Variants in AGBL4 observed in about 807,000 individuals in gnomAD.
The protein encoded by AGBL4 is cytosolic carboxypeptidase 6.
A neutral mutation model predicts 66.4 loss-of-function variants in AGBL4; 58 were observed. The ratio of observed to expected loss-of-function variants is 0.87; its 90% CI spans 0.71 to 1.09. The LOEUF (loss-of-function observed/expected upper bound fraction) is 1.09, where lower values mean the gene tolerates loss of function less well. Ranked by LOEUF, AGBL4 falls within the 50% of genes least tolerant of loss-of-function variation. The probability of loss-of-function intolerance (pLI) is 0.00; values close to 1 mark genes in which losing one functional copy is unlikely to be tolerated. For missense variants in AGBL4, 579 were observed against 631.0 expected (o/e 0.92, Z 0.88); for synonymous variants, 234 against 222.9 (o/e 1.05, Z -0.44).
chr1:48,758,469 T>A (rs1472012923), intron 6 of AGBL4, among the ~76,000 whole-genome samples: 2 of 152,196 alleles, frequency 1.3e-5, no homozygotes, highest in African/African-American at 2.4e-5. Context: ...TGAATTCTCA[T>A]ATCATTTTGT....
intron 1 of AGBL4, chr1:49,995,007 C>A: frequency 2.5e-6 from 1 of 400,024 alleles, no homozygotes; most frequent in Non-Finnish European, 5.0e-6. Flanking sequence ...CCCAGGGAAG[C>A]CATTGTTGAC....
rs528380322 is a variant in AGBL4, at chr1:49,791,760, C to T, written c.157+59636G>A. 2.7e-4 allele frequency among the ~76,000 whole-genome samples: 41 copies of T among 152,162 alleles called. No homozygotes were observed. In the South Asian group the frequency reaches 3.9e-3, roughly 15 times the overall value. On this transcript the variant is annotated intron_variant, in intron 2 of 13. Coordinates refer to ENST00000371839, the MANE Select transcript of AGBL4 (RefSeq NM_032785.4). ...CATGATAGAAGACTCTCTTAACTAA[C>T]CTAAAAGTTTCTTTGATATCTTTAT...
At chr1:49,822,564 T>C (rs1015531458) in intron 2 of AGBL4, among the ~76,000 whole-genome samples, 3 of 152,176 alleles carry the variant, frequency 2.0e-5, no homozygotes, top group African/African-American at 7.2e-5. Context: ...CCTCAGGTGA[T>C]CCACATAATT....
intron 3 of AGBL4, among the ~76,000 whole-genome samples, chr1:49,350,379 A>T: frequency 6.6e-6 from 1 of 150,866 alleles, no homozygotes; most frequent in Non-Finnish European, 1.5e-5. Context: ...AATTTTTTGT[A>T]TTTTTAGTAG....
intron 4 of AGBL4, among the ~76,000 whole-genome samples, chr1:49,210,053 A>C (rs1354794545): frequency 6.6e-6 from 1 of 152,082 alleles, no homozygotes; most frequent in Non-Finnish European, 1.5e-5. Flanking sequence ...GAGATTGGCT[A>C]GTGGTCATAG....
intron 3 of AGBL4, among the ~76,000 whole-genome samples, chr1:49,432,915 C>T (rs1645818476): frequency 6.6e-6 from 1 of 152,088 alleles, no homozygotes; most frequent in African/African-American, 2.4e-5. Flanking sequence ...GTTGCAGTCC[C>T]CAACCTTCAG....
At chr1:49,038,468 A>G (rs139977971) in intron 5 of AGBL4, among the ~76,000 whole-genome samples, 37 of 152,254 alleles carry the variant, frequency 2.4e-4, no homozygotes, top group Admixed American at 1.1e-3. Flanking sequence ...GGCTTAAAAT[A>G]GGAAAGAAAA....
chr1:49,307,633 C>G (rs1156943694), intron 3 of AGBL4, among the ~76,000 whole-genome samples: 3 of 152,112 alleles, frequency 2.0e-5, no homozygotes, highest in South Asian at 2.1e-4. Flanking sequence ...GTCAACTAGC[C>G]TAACAATGCC....
At chr1:48,760,962 A>C (rs1434879670) in intron 6 of AGBL4, 1 of 168,062 alleles carries the variant, frequency 6.0e-6, no homozygotes, top group East Asian at 1.6e-4. Context: ...TATCTGGGGC[A>C]CTCTGACAGT....
intron 1 of AGBL4, among the ~76,000 whole-genome samples, chr1:49,903,185 C>T (rs1267207155): frequency 6.6e-6 from 1 of 152,150 alleles, no homozygotes; most frequent in Non-Finnish European, 1.5e-5. Flanking sequence ...GAGATTATAT[C>T]CTTTGCAACA....
At chr1:49,231,623 T>C (rs758748260) in intron 4 of AGBL4, among the ~76,000 whole-genome samples, 1 of 152,154 alleles carries the variant, frequency 6.6e-6, no homozygotes, top group Non-Finnish European at 1.5e-5. Context: ...TATATGCAGG[T>C]GCACATACAC....
intron 4 of AGBL4, among the ~76,000 whole-genome samples, chr1:49,227,116 T>C (rs1464818490): frequency 6.6e-6 from 1 of 152,232 alleles, no homozygotes; most frequent in African/African-American, 2.4e-5. Flanking sequence ...TTTGCAGAGA[T>C]ACAAACATTC....
intron 5 of AGBL4, among the ~76,000 whole-genome samples, chr1:48,887,298 AT>A (rs1442235355): frequency 6.6e-6 from 1 of 152,096 alleles, no homozygotes; most frequent in Non-Finnish European, 1.5e-5. Context: ...TTTGACTTTT[AT>A]TTCTGAGACA....
intron 3 of AGBL4, among the ~76,000 whole-genome samples, chr1:49,560,832 C>A (rs981188038): frequency 6.6e-6 from 1 of 152,034 alleles, no homozygotes; most frequent in Non-Finnish European, 1.5e-5. Context: ...AGGAAAAAAT[C>A]TTTTACCCCT....
Position 48,543,301 on chromosome 1 carries a change from A to AG in AGBL4, c.1268-3564dup, listed in dbSNP as rs201527335. Among the ~76,000 whole-genome samples the AG allele has an allele frequency of 7.5e-3, 1,142 of 152,292 alleles. 59 individuals are homozygous for AG. Among genetic ancestry groups the AG allele is most frequent in the Admixed American group, 0.068 (1,039 of 15,274 alleles). Reference sequence around the variant, plus strand: ...GGATCAGTGGAGAAGGACCATTCTCAGCTGGGCTATAAAGGCTGGACAACT... The same window carrying AG: ...GGATCAGTGGAGAAGGACCATTCTCAGGCTGGGCTATAAAGGCTGGACAACT... On this transcript the variant is annotated intron_variant, in intron 11 of 13. Coordinates refer to ENST00000371839, the MANE Select transcript of AGBL4 (RefSeq NM_032785.4).
intron 6 of AGBL4, among the ~76,000 whole-genome samples, chr1:48,679,604 C>T (rs1370848603): frequency 4.6e-5 from 7 of 152,164 alleles, no homozygotes; most frequent in Non-Finnish European, 1.0e-4. Flanking sequence ...TCTTGTCACC[C>T]TCATTTCACA....
At chr1:48,757,524 T>C (rs1003174630) in intron 6 of AGBL4, among the ~76,000 whole-genome samples, 5 of 151,908 alleles carry the variant, frequency 3.3e-5, no homozygotes, top group Admixed American at 3.3e-4. Context: ...GTGACTAGAG[T>C]TGAGACAGAA....
At chr1:49,557,940 C>G (rs1426843420) in intron 3 of AGBL4, among the ~76,000 whole-genome samples, 1 of 151,718 alleles carries the variant, frequency 6.6e-6, no homozygotes, top group Non-Finnish European at 1.5e-5. Flanking sequence ...TAAATACCAG[C>G]TCTACCATAG....
At position 49,266,616 on chromosome 1, in the gene AGBL4, C is replaced by CACACAT. The variant is rs780543563; in HGVS notation, c.283-20753_283-20752insATGTGT. On this transcript the variant is annotated intron_variant, in intron 3 of 13. Coordinates refer to ENST00000371839, the MANE Select transcript of AGBL4 (RefSeq NM_032785.4). ...GAGGAAAATAAACCTGTAACACACA[C>CACACAT]ACACACACACACACGCGAAGGTAGA... 2.2e-3 allele frequency among the ~76,000 whole-genome samples: 340 copies of CACACAT among 151,610 alleles called. 3 individuals carry two copies. The highest frequency in any genetic ancestry group is 3.9e-3 in the Non-Finnish European group (264 of 67,896).
Sources: gnomAD v4.1 joint callset for allele counts (sites outside exome capture counted in the v4.1 genomes callset) on GRCh38, gnomAD v4.1.1 for gene constraint, MANE v1.5 for transcripts, NCBI Gene and HGNC (gene_info 2026-07-23, HGNC 2026-07-21) for gene names.